The following DPP6 variants were observed in gnomAD, a reference collection of about 807,000 sequenced individuals.
DPP6 encodes dipeptidyl peptidase like 6.
Under a neutral mutation model 122.6 loss-of-function variants are expected in DPP6, and 69 were observed. The observed-to-expected ratio is 0.56, with a 90% CI of 0.46 to 0.69. DPP6 has a LOEUF of 0.69. DPP6 is among the 30% of genes least tolerant of loss of function. The pLI, the probability that DPP6 is intolerant of heterozygous loss-of-function variation, is 0.00. For missense variants in DPP6, 928 were observed against 1,116.9 expected, an observed-to-expected ratio of 0.83 and a Z score of 2.41; for synonymous variants, 418 against 433.1, an observed-to-expected ratio of 0.97 and a Z score of 0.43.
chr7:154,827,636 G>A lies in DPP6; in HGVS notation c.1666+20524G>A, dbSNP rs112444096. On this transcript the variant is annotated intron_variant, in intron 16 of 25. Coordinates refer to ENST00000377770, the MANE Select transcript of DPP6 (RefSeq NM_130797.4). ...TTAAGCCCAAGCAGAGTGAGGAGGG[G>A]GTGTCTCCCAGAAAGGACGGCTGGC... 2.0e-3 allele frequency among the ~76,000 whole-genome samples: 300 copies of A among 151,124 alleles called. 1 individual carries two copies. The highest frequency in any genetic ancestry group is 7.2e-3 in the African/African-American group (296 of 41,120).
chr7:154,872,553 C>G, intron 18 of DPP6, 71 bp from the exon 19 acceptor site: 1 of 1,540,872 alleles, frequency 6.5e-7, no homozygotes, highest in Non-Finnish European at 8.8e-7. Flanking sequence ...CCCACGGTCA[C>G]CCAAGGGCAT....
In DPP6 at chr7:154,879,377, G is replaced by A. The variant is rs1382481144; in HGVS notation, c.2079-1511G>A. Among the ~76,000 whole-genome samples, 13 of 114,720 alleles carry A rather than the reference G, an allele frequency of 1.1e-4. 2 individuals carry two copies. Among genetic ancestry groups the A allele is most frequent in the Middle Eastern group, 4.6e-3 (1 of 216 alleles). 75.3% of individuals were successfully genotyped at this position (114,720 alleles called of 152,430 possible). A position where few individuals can be genotyped will look rare whatever the true frequency, so the allele number is the denominator to read the frequency against. ...GGGCGGATCACGAGGTCAGGAGATC[G>A]AGACCATCCTGGCTAACACGGTGAA... On this transcript the variant is annotated intron_variant, in intron 20 of 25. Coordinates refer to ENST00000377770, the MANE Select transcript of DPP6 (RefSeq NM_130797.4).
intron 1 of DPP6, among the ~76,000 whole-genome samples, chr7:154,265,796 G>A (rs1182452230): frequency 6.6e-6 from 1 of 152,116 alleles, no homozygotes; most frequent in Non-Finnish European, 1.5e-5. Flanking sequence ...ATACAAGTGA[G>A]TATTCTCTCA....
At chr7:154,811,440 G>A (rs1349456903) in intron 16 of DPP6, among the ~76,000 whole-genome samples, 4 of 152,174 alleles carry the variant, frequency 2.6e-5, no homozygotes, top group Non-Finnish European at 5.9e-5. Context: ...ATACCCATTT[G>A]GATTGCTTGG....
chr7:153,757,602 G>C, the DPP6 span, among the ~76,000 whole-genome samples: 1 of 152,182 alleles, frequency 6.6e-6, no homozygotes, highest in Non-Finnish European at 1.5e-5. Flanking sequence ...TGTGAAAGCT[G>C]AGGACATTCA....
chr7:153,969,988 C>T (rs1467226749), intron 1 of DPP6, among the ~76,000 whole-genome samples: 4 of 152,054 alleles, frequency 2.6e-5, no homozygotes, highest in South Asian at 4.1e-4. Context: ...AAGATTCATC[C>T]GTGTTGTTGC....
intron 1 of DPP6, among the ~76,000 whole-genome samples, chr7:154,374,940 A>G (rs2151128954): frequency 6.6e-6 from 1 of 152,248 alleles, no homozygotes; most frequent in Admixed American, 6.5e-5. Context: ...AATTCTTTCA[A>G]CAAATATCTC....
intron 22 of DPP6, among the ~76,000 whole-genome samples, chr7:154,886,024 A>C (rs1806121388): frequency 6.6e-6 from 1 of 152,236 alleles, no homozygotes; most frequent in Non-Finnish European, 1.5e-5. Context: ...CGCTGGCAGC[A>C]GTGGGGGCGA....
chr7:154,095,079 A>G (rs1360030512), intron 1 of DPP6: 3 of 151,904 alleles, frequency 2.0e-5, no homozygotes, highest in Admixed American at 2.0e-4. Context: ...CTGTTGTTTC[A>G]CCCTGCACAG....
rs71530499 is a variant in DPP6, at chr7:154,064,213, C to A, written c.243+11150C>A. Among the ~76,000 whole-genome samples the A allele has an allele frequency of 3.5e-3, 526 of 152,276 alleles. 6 individuals are homozygous for A. Among genetic ancestry groups the A allele is most frequent in the Middle Eastern group, 0.01 (3 of 294 alleles). On this transcript the variant is annotated intron_variant, in intron 1 of 25. Coordinates refer to ENST00000377770, the MANE Select transcript of DPP6 (RefSeq NM_130797.4). ...TGACAATGTGCTCACCACACAGCAG[C>A]ACCTCCTGGTCTTGATTGTTGGGGC... is the stretch of plus-strand genomic sequence containing the variant.
intron 1 of DPP6, among the ~76,000 whole-genome samples, chr7:154,273,814 G>A (rs1585800357): frequency 6.6e-6 from 1 of 152,220 alleles, no homozygotes; most frequent in Non-Finnish European, 1.5e-5. Flanking sequence ...AGTTACAGCA[G>A]CACCAACAAT....
intron 1 of DPP6, among the ~76,000 whole-genome samples, chr7:153,899,493 G>T (rs556197975): frequency 6.6e-6 from 1 of 152,254 alleles, no homozygotes; most frequent in East Asian, 1.9e-4. Flanking sequence ...CCTGCAATGT[G>T]TTTTCTTCTC....
the DPP6 span, among the ~76,000 whole-genome samples, chr7:153,804,123 C>T: frequency 3.6e-3 from 539 of 151,192 alleles, no homozygotes; most frequent in African/African-American, 4.1e-3. Flanking sequence ...GATCTCGACT[C>T]GCTGCAACCT....
chr7:153,832,557 C>A, the DPP6 span, among the ~76,000 whole-genome samples: 1 of 152,310 alleles, frequency 6.6e-6, no homozygotes, highest in African/African-American at 2.4e-5. Flanking sequence ...TGTTCTTCCC[C>A]AGGCAGTTTG....
intron 1 of DPP6, among the ~76,000 whole-genome samples, chr7:153,954,903 A>G (rs1192810301): frequency 7.0e-6 from 1 of 143,722 alleles, no homozygotes; most frequent in African/African-American, 2.7e-5. Context: ...TTCTTGGGAG[A>G]ATGCTGATTC....
the DPP6 span, among the ~76,000 whole-genome samples, chr7:153,859,892 G>T: frequency 6.6e-6 from 1 of 152,082 alleles, no homozygotes; most frequent in Non-Finnish European, 1.5e-5. Context: ...TGAGAACAGC[G>T]TGGGGAAAAC....
intron 17 of DPP6, among the ~76,000 whole-genome samples, chr7:154,862,332 C>T (rs970618084): frequency 1.3e-5 from 2 of 152,262 alleles, no homozygotes; most frequent in Non-Finnish European, 2.9e-5. Context: ...TGCAGAGAGC[C>T]TGGGAACCAG....
intron 16 of DPP6, among the ~76,000 whole-genome samples, chr7:154,830,100 C>A (rs1021779592): frequency 6.6e-6 from 1 of 152,218 alleles, no homozygotes; most frequent in Non-Finnish European, 1.5e-5. Context: ...ATATCCTGAG[C>A]AAGTATTAAG....
intron 15 of DPP6, 114 bp downstream of exon 15, chr7:154,805,078 C>T: frequency 2.9e-6 from 4 of 1,385,076 alleles, no homozygotes; most frequent in Middle Eastern, 2.0e-4. Context: ...ACAGACCCCA[C>T]CACAGAGGAG....
Sources: gnomAD v4.1 joint callset for allele counts (sites outside exome capture counted in the v4.1 genomes callset) on GRCh38, gnomAD v4.1.1 for gene constraint, MANE v1.5 for transcripts, NCBI Gene and HGNC (gene_info 2026-07-23, HGNC 2026-07-21) for gene names.